Variants in GCLC observed in about 807,000 individuals in gnomAD.
The protein encoded by GCLC is glutamate-cysteine ligase catalytic subunit.
Under a neutral mutation model 81.5 loss-of-function variants are expected in GCLC, and 30 were observed. That is an observed-to-expected ratio of 0.37 (90% CI 0.28 to 0.50). The LOEUF is 0.50. Ranked by LOEUF, GCLC falls within the 20% of genes least tolerant of loss-of-function variation. GCLC has a pLI of 0.96. For missense variants in GCLC, 556 were observed against 777.4 expected (o/e 0.72, Z 3.39); for synonymous variants, 262 against 273.3 (o/e 0.96, Z 0.41).
At chr6:53,507,077 C>T in intron 9 of GCLC, 52 bp from the exon 10 acceptor site, 1 of 969,414 alleles carries the variant, frequency 1.0e-6, no homozygotes, top group Non-Finnish European at 1.7e-6. Context: ...GATACCACTT[C>T]CTCTTAGTCC....
intron 6 of GCLC, among the ~76,000 whole-genome samples, chr6:53,512,647 CAT>C (rs1764776024): frequency 6.6e-6 from 1 of 151,794 alleles, no homozygotes; most frequent in Non-Finnish European, 1.5e-5. Flanking sequence ...TGAAACTGTA[CAT>C]GTCACTGGGA....
rs535617459 is a variant in GCLC at position 53,517,715 on chromosome 6, A to G, written c.447-1493T>C. On this transcript the variant is annotated intron_variant, in intron 3 of 15. Coordinates refer to ENST00000650454, the MANE Select transcript of GCLC (RefSeq NM_001498.4). ...GTAGAATCAGAACTTGCATCTTCGG[A>G]CACCTACGGCACTGCTTCATTCTAG... is the stretch of plus-strand genomic sequence containing the variant. 2.2e-4 allele frequency among the ~76,000 whole-genome samples: 33 copies of G among 152,220 alleles called. No individual in the cohort carries two copies. In the East Asian group the frequency reaches 5.8e-3, roughly 27 times the overall value.
chr6:53,515,916 G>A (rs955163157), intron 4 of GCLC, among the ~76,000 whole-genome samples, 193 bp downstream of exon 4: 6 of 152,164 alleles, frequency 3.9e-5, no homozygotes, highest in African/African-American at 1.4e-4. Context: ...CCTGGTGCAC[G>A]CATCAACAAC....
Position 53,506,850 on chromosome 6 carries a change from C to CA in GCLC, c.1197+62dup, listed in dbSNP as rs1764625201. 4.6e-6 allele frequency: 4 copies of CA among 874,562 alleles called. No homozygotes were observed. The highest frequency in any genetic ancestry group is 7.7e-6 in the Non-Finnish European group (4 of 522,274). 54.2% of individuals were successfully genotyped at this position (874,562 alleles called of 1,614,324 possible). ...TTTGTGAAGTGAAATGCATATAAAA[C>CA]AGAGGATTCCAGACTCTCAGAAGTC... On this transcript the variant is annotated intron_variant, in intron 10 of 15. Coordinates refer to ENST00000650454, the MANE Select transcript of GCLC (RefSeq NM_001498.4). This position sits in a 1 kb window ranked among gnomAD's most constrained non-coding sequence, Gnocchi z 4.0.
intron 1 of GCLC, chr6:53,523,779 A>G (rs1173910620): frequency 6.6e-6 from 1 of 152,242 alleles, no homozygotes; most frequent in African/African-American, 2.4e-5. Flanking sequence ...AAAGAGGAAA[A>G]AAATGTTAGT....
At chr6:53,515,021 T>C (rs1764839050) in intron 4 of GCLC, among the ~76,000 whole-genome samples, 1 of 152,198 alleles carries the variant, frequency 6.6e-6, no homozygotes, top group Admixed American at 6.5e-5. Flanking sequence ...CTTGTCCTAA[T>C]GAAAACATGC....
chr6:53,501,461 CTTTTT>C (rs1764512176), intron 12 of GCLC: 1 of 152,238 alleles, frequency 6.6e-6, no homozygotes, highest in South Asian at 2.1e-4. Context: ...TCTCCAATGA[CTTTTT>C]AAGACTCTCA....
intron 1 of GCLC, among the ~76,000 whole-genome samples, chr6:53,540,024 G>A (rs994025564): frequency 1.3e-5 from 2 of 152,182 alleles, no homozygotes; most frequent in African/African-American, 4.8e-5. Context: ...CTCTTCAACT[G>A]TGAACCATAG....
intron 1 of GCLC, among the ~76,000 whole-genome samples, chr6:53,529,287 A>C (rs548306128): frequency 6.6e-6 from 1 of 152,334 alleles, no homozygotes; most frequent in South Asian, 2.1e-4. Flanking sequence ...CCACGGATGC[A>C]TGAGACATTT....
chr6:53,503,825 T>C (rs1764560265), intron 12 of GCLC, among the ~76,000 whole-genome samples: 1 of 152,256 alleles, frequency 6.6e-6, no homozygotes. Context: ...GAGCTTTCCA[T>C]GCTTCAGGAT....
At chr6:53,541,472 A>G (rs924455575) in intron 1 of GCLC, among the ~76,000 whole-genome samples, 7 of 152,196 alleles carry the variant, frequency 4.6e-5, no homozygotes, top group African/African-American at 9.7e-5. Flanking sequence ...CAAAAATTCT[A>G]TACTCCACCC....
intron 1 of GCLC, among the ~76,000 whole-genome samples, chr6:53,531,141 G>C (rs138014823): frequency 6.6e-6 from 1 of 152,112 alleles, no homozygotes; most frequent in Non-Finnish European, 1.5e-5. Flanking sequence ...TACCACTCAG[G>C]GGTTAGTGGT....
At position 53,506,940 on chromosome 6, in the gene GCLC, A is replaced by G. The variant is rs775357866; in HGVS notation, c.1170T>C (p.Asp390=). ...CAAAATGGTCAGACTCATTAGCATC[A>G]TCCAGGTGTATTTTCTCTTCAAACA... is the stretch of plus-strand genomic sequence containing the variant. ...LTLFEEKIHL[D]DANESDHFEN... is the part of the protein sequence containing the mutation. The change falls in exon 10 of 16, where the codon GAT becomes GAC. Residue 390 remains aspartate (D), a synonymous_variant. Coordinates refer to ENST00000650454, the MANE Select transcript of GCLC (RefSeq NM_001498.4). This position sits in a 1 kb window ranked among gnomAD's most constrained non-coding sequence, Gnocchi z 4.0. The G allele has an allele frequency of 6.3e-7, 1 of 1,593,234 alleles. No homozygotes were observed.
chr6:53,511,423 T>C (rs1166766218), intron 6 of GCLC, among the ~76,000 whole-genome samples: 2 of 152,212 alleles, frequency 1.3e-5, no homozygotes, highest in East Asian at 3.9e-4. Context: ...TATTTGAGTA[T>C]GTGTCATTTT....
chr6:53,502,924 T>C (rs1764540219), intron 12 of GCLC, among the ~76,000 whole-genome samples: 1 of 152,234 alleles, frequency 6.6e-6, no homozygotes, highest in South Asian at 2.1e-4. Context: ...CCTGTTTCTA[T>C]ACTATTAATA....
chr6:53,500,914 A>C, intron 12 of GCLC: 1 of 313,848 alleles, frequency 3.2e-6, no homozygotes, highest in Non-Finnish European at 6.1e-6. Flanking sequence ...ACTAGAACCC[A>C]GTTCTTCTTC....
At position 53,498,832 on chromosome 6, in the gene GCLC, C is replaced by T. The variant is rs1158287755; in HGVS notation, c.1838G>A (p.Cys613Tyr). ...TGATCCAAGTAACTCTGGGCATTCA[C>T]ATAATTCATTTGCAATTTGGTTACA... Reference protein sequence around the residue: ...LKCNQIANELCECPELLGSAF... With the variant: ...LKCNQIANELYECPELLGSAF... Residue 613 changes from cysteine to tyrosine, a missense_variant, in exon 16 of 16, where the codon TGT (cysteine) becomes TAT (tyrosine). This residue lies in a region of GCLC where 313 missense variants were observed against 437.3 expected (regional missense o/e 0.72). Coordinates refer to ENST00000650454, the MANE Select transcript of GCLC (RefSeq NM_001498.4). 6.2e-7 allele frequency: 1 copy of T among 1,613,588 alleles called. No homozygotes were observed. Among genetic ancestry groups the T allele is most frequent in the Admixed American group, 1.7e-5 (1 of 60,024 alleles).
rs1216708560 is a variant in GCLC at position 53,507,688 on chromosome 6, A to C, written c.946-70T>G. ...AGTGGAATATATTTTTATATATGAT[A>C]ATTATATAAAAACCTCAACATAAGA... On this transcript the variant is annotated intron_variant, in intron 8 of 15. Coordinates refer to ENST00000650454, the MANE Select transcript of GCLC (RefSeq NM_001498.4). 9.3e-6 allele frequency: 6 copies of C among 647,148 alleles called. No individual in the cohort carries two copies. In the African/African-American group the frequency reaches 1.1e-4, roughly 12 times the overall value. 40.1% of individuals were successfully genotyped at this position (647,148 alleles called of 1,614,324 possible).
At chr6:53,508,447 G>A (rs766586419) in intron 8 of GCLC, 148 bp downstream of exon 8, 33 of 712,120 alleles carry the variant, frequency 4.6e-5, no homozygotes, top group Admixed American at 7.7e-5. Context: ...ATCAACATAC[G>A]ATAAAAATTA....
Sources: gnomAD v4.1 joint callset for allele counts (sites outside exome capture counted in the v4.1 genomes callset) on GRCh38, gnomAD v4.1.1 for gene constraint, gnomAD v4.1.1 regional missense constraint, Gnocchi (gnomAD v3.1) non-coding constraint, MANE v1.5 for transcripts, NCBI Gene and HGNC (gene_info 2026-07-23, HGNC 2026-07-21) for gene names.